Variants in ADAM8 observed in about 807,000 individuals in gnomAD.
ADAM8 encodes ADAM metallopeptidase domain 8, also known as disintegrin and metalloproteinase domain-containing protein 8.
In ADAM8, 104 loss-of-function variants were observed where a neutral mutation model predicts 102.4. That is an observed-to-expected ratio of 1.02 (90% confidence interval 0.87 to 1.20). The LOEUF (loss-of-function observed/expected upper bound fraction) is 1.20, where lower values mean the gene tolerates loss of function less well. Ranked by LOEUF, ADAM8 falls within the 50% of genes most tolerant of loss-of-function variation. The pLI is 0.00. For missense variants in ADAM8, 1,132 were observed against 1,159.0 expected (o/e 0.98, Z 0.34); for synonymous variants, 517 against 485.2 (o/e 1.07, Z -0.86).
At position 133,271,561 on chromosome 10, in the gene ADAM8, C is replaced by A; in HGVS notation, c.1251G>T (p.Glu417Asp). The change falls in exon 12 of 23, where the codon GAG becomes GAT. Residue 417 changes from glutamate to aspartate, a missense_variant. Coordinates refer to ENST00000445355, the MANE Select transcript of ADAM8 (RefSeq NM_001109.5). Reference protein sequence around the residue: ...GGPVCGNLFVERGEQCDCGPP... With the variant: ...GGPVCGNLFVDRGEQCDCGPP... Reference sequence around the variant, plus strand: ...GGCCGCAGTCGCACTGCTCCCCACGCTCCACAAACAGGTTCCCACACACGG... The same window carrying A: ...GGCCGCAGTCGCACTGCTCCCCACGATCCACAAACAGGTTCCCACACACGG... 1.3e-6 allele frequency: 2 copies of A among 1,559,786 alleles called. No individual in the cohort carries two copies. Among genetic ancestry groups the A allele is most frequent in the African/African-American group, 1.3e-5 (1 of 74,228 alleles).
In ADAM8 at chr10:133,269,477, T is replaced by C. The variant is rs1276033505; in HGVS notation, c.1916A>G (p.His639Arg). The change falls in exon 18 of 23, where the codon CAC becomes CGC. Residue 639 changes from histidine (H) to arginine (R), a missense_variant. Physicochemically the swap from His to Arg is conservative, Grantham distance 29. Coordinates refer to ENST00000445355, the MANE Select transcript of ADAM8 (RefSeq NM_001109.5). ...CHCHAGWAPP[H>R]CAKLLTEVHA... Reference sequence around the variant, plus strand: ...CACCTCAGTCAGCAGCTTCGCGCAGTGGGGCGGGGCCCAGCCCGCGTGGCA... The same window carrying C: ...CACCTCAGTCAGCAGCTTCGCGCAGCGGGGCGGGGCCCAGCCCGCGTGGCA... 2 of 1,600,134 alleles carry C rather than the reference T, an allele frequency of 1.2e-6. No homozygotes were observed. Among genetic ancestry groups the C allele is most frequent in the Non-Finnish European group, 1.7e-6 (2 of 1,178,316 alleles).
chr10:133,275,940 CGACCT>C, intron 1 of ADAM8: 2 of 236,970 alleles, frequency 8.4e-6, no homozygotes, highest in Non-Finnish European at 1.6e-5. Context: ...CTCGGGCCGC[CGACCT>C]GCCCGTTTCC....
Position 133,270,816 on chromosome 10 carries a change from A to T in ADAM8, c.1565-11T>A. 6.2e-7 allele frequency: 1 copy of T among 1,608,366 alleles called. No individual in the cohort carries two copies. The highest frequency in any genetic ancestry group is 8.5e-7 in the Non-Finnish European group (1 of 1,176,944). The stretch of plus-strand genomic sequence containing the variant: ...CGGCAGCCTGCCCACCTGTGGGACC[A>T]GAAGCGGGTTAGCCCTGGCAAGGCC... On this transcript the variant is annotated splice_polypyrimidine_tract_variant and intron_variant, in intron 14 of 22. Coordinates refer to ENST00000445355, the MANE Select transcript of ADAM8 (RefSeq NM_001109.5).
At position 133,263,688 on chromosome 10, in the gene ADAM8, CTCAGCTGG is replaced by C. The variant is rs775122739; in HGVS notation, c.2389_2396del (p.Pro797GlyfsTer61). ...TGCCTGGTGTGTGCTGGGGCCTCAC[CTCAGCTGG>C]ACCAGGGTTGGCCGCACCAGCCCCG... On this transcript the variant is annotated frameshift_variant and splice_region_variant, in exon 22 of 23. Transcript: ENST00000445355. LOFTEE classifies it low-confidence loss of function (END_TRUNC). 1.5e-4 allele frequency: 229 copies of C among 1,554,226 alleles called. No homozygotes were observed. Among genetic ancestry groups the C allele is most frequent in the Non-Finnish European group, 1.8e-4 (202 of 1,149,124 alleles).
Position 133,263,675 on chromosome 10 carries a change from G to T in ADAM8, c.2397+13C>A, listed in dbSNP as rs1339145621. On this transcript the variant is annotated intron_variant, in intron 22 of 22. Transcript: ENST00000445355. ...GCACAGTGGACTCTGCCTGGTGTGT[G>T]CTGGGGCCTCACCTCAGCTGGACCA... 2.1e-6 allele frequency: 2 copies of T among 931,292 alleles called. No individual in the cohort carries two copies. 57.7% of individuals were successfully genotyped at this position (931,292 alleles called of 1,614,324 possible). A position where few individuals can be genotyped will look rare whatever the true frequency, so the allele number is the denominator to read the frequency against.
Position 133,262,845 on chromosome 10 carries a change from G to C in ADAM8, c.*311C>G. On this transcript the variant is annotated 3_prime_UTR_variant, in exon 23 of 23. Coordinates refer to ENST00000445355, the MANE Select transcript of ADAM8 (RefSeq NM_001109.5). ...GGAGGGGCTGTATATGTGGCCTCCTGAACACAGCGGGAGACCAGCGGCCAC... is the reference window on the plus strand; with the variant it reads ...GGAGGGGCTGTATATGTGGCCTCCTCAACACAGCGGGAGACCAGCGGCCAC... 1 of 413,766 alleles carries C rather than the reference G, an allele frequency of 2.4e-6. No individual in the cohort carries two copies. The highest frequency in any genetic ancestry group is 4.4e-6 in the Non-Finnish European group (1 of 224,796). The allele number at this position is 413,766 out of a possible 1,614,324, so 25.6% of individuals were successfully genotyped here. A position where few individuals can be genotyped will look rare whatever the true frequency, so the allele number is the denominator to read the frequency against.
chr10:133,267,411 C>T lies in ADAM8; in HGVS notation c.2260G>A (p.Val754Ile), dbSNP rs1392676499. 2 of 1,609,204 alleles carry T rather than the reference C, an allele frequency of 1.2e-6. No homozygotes were observed. Among genetic ancestry groups the T allele is most frequent in the Non-Finnish European group, 1.7e-6 (2 of 1,178,758 alleles). ...ALKRPPPAPP[V>I]TVSSPPFPVP... ...GGGAAGGGTGGGCTGGACACAGTGA[C>T]CGGAGGCTGGAGGAGACAGGGCCGA... The change falls in exon 21 of 23, where the codon GTC becomes ATC. Residue 754 changes from valine to isoleucine, a missense_variant. Physicochemically the swap from Val to Ile is conservative, Grantham distance 29. Transcript: ENST00000445355.
In ADAM8 at chr10:133,275,596, G is replaced by T; in HGVS notation, c.47-9C>A. 1.4e-6 allele frequency: 2 copies of T among 1,459,438 alleles called. No individual in the cohort carries two copies. Among genetic ancestry groups the T allele is most frequent in the Non-Finnish European group, 1.8e-6 (2 of 1,102,588 alleles). 90.4% of individuals were successfully genotyped at this position (1,459,438 alleles called of 1,614,324 possible). A position where few individuals can be genotyped will look rare whatever the true frequency, so the allele number is the denominator to read the frequency against. On this transcript the variant is annotated splice_polypyrimidine_tract_variant and intron_variant, in intron 1 of 22. Coordinates refer to ENST00000445355, the MANE Select transcript of ADAM8 (RefSeq NM_001109.5). ...CCGGCTGGGGGCAATCGCTGCAGGA[G>T]GGAGGGTCAGCAGGCATGAGGGGCC...
At chr10:133,274,497 G>T (rs56362158) in intron 2 of ADAM8, among the ~76,000 whole-genome samples, 1 of 123,464 alleles carries the variant, frequency 8.1e-6, no homozygotes, top group East Asian at 3.0e-4. Flanking sequence ...GGCAGAGGGT[G>T]GGGGGCGGGG....
chr10:133,271,632 C>G lies in ADAM8; in HGVS notation c.1180G>C (p.Val394Leu). The change falls in exon 12 of 23, where the codon GTG becomes CTG. Residue 394 changes from valine to leucine, a missense_variant. Coordinates refer to ENST00000445355, the MANE Select transcript of ADAM8 (RefSeq NM_001109.5). ...AGGTCAGGGGCGTTGGCGAGGCACACCGACTGCGGCCGCTCCAAAAAGCTC... is the reference window on the plus strand; with the variant it reads ...AGGTCAGGGGCGTTGGCGAGGCACAGCGACTGCGGCCGCTCCAAAAAGCTC... The part of the protein sequence containing the change: ...LESFLERPQS[V>L]CLANAPDLSH... The G allele has an allele frequency of 6.4e-7, 1 of 1,554,768 alleles. No individual in the cohort carries two copies. The highest frequency in any genetic ancestry group is 8.7e-7 in the Non-Finnish European group (1 of 1,149,272).
At chr10:133,273,877 C>T (rs1846641924) in intron 4 of ADAM8, 39 bp from the exon 5 acceptor site, 1 of 1,551,596 alleles carries the variant, frequency 6.4e-7, no homozygotes, top group Non-Finnish European at 8.7e-7. Flanking sequence ...AGGCTGTGCC[C>T]CCATGGCCCC....
In ADAM8 at chr10:133,270,522, C is replaced by G; in HGVS notation, c.1635-12G>C. On this transcript the variant is annotated splice_polypyrimidine_tract_variant and intron_variant, in intron 15 of 22. Coordinates refer to ENST00000445355, the MANE Select transcript of ADAM8 (RefSeq NM_001109.5). ...CACACATGTCAGCCCTGTGGATGGA[C>G]GGCAGGTCGTGGGCCAGCTTGCCTG... The G allele has an allele frequency of 6.3e-7, 1 of 1,578,070 alleles. No individual in the cohort carries two copies. Among genetic ancestry groups the G allele is most frequent in the Non-Finnish European group, 8.7e-7 (1 of 1,154,394 alleles).
chr10:133,267,111 GAA>G (rs1846347270), intron 21 of ADAM8, among the ~76,000 whole-genome samples: 1 of 152,156 alleles, frequency 6.6e-6, no homozygotes, highest in Admixed American at 6.5e-5. Context: ...AGTGGAAGGA[GAA>G]GGAGCCAGGA....
chr10:133,263,732 G>C lies in ADAM8; in HGVS notation c.2353C>G (p.Pro785Ala). ...GCCGCACCAGCCCCGGGTTTGACTG[G>C]GGGCACTGGGGGTGCGAACGTTGGC... ...IKPTFAPPVPPVKPGAGAANP... is the reference protein window; with the variant it reads ...IKPTFAPPVPAVKPGAGAANP... The change falls in exon 22 of 23, where the codon CCA becomes GCA. Residue 785 changes from proline to alanine, a missense_variant. Transcript: ENST00000445355. 6.5e-7 allele frequency: 1 copy of C among 1,547,984 alleles called. No homozygotes were observed. Among genetic ancestry groups the C allele is most frequent in the Middle Eastern group, 1.7e-4 (1 of 5,872 alleles).
At chr10:133,273,860 G>C in intron 4 of ADAM8, 22 bp from the exon 5 acceptor site, 1 of 1,549,468 alleles carries the variant, frequency 6.5e-7, no homozygotes, top group Non-Finnish European at 8.7e-7. Context: ...GCAGGAGAGG[G>C]GTCCACAGGC....
At chr10:133,265,619 G>A (rs148899829) in intron 21 of ADAM8, among the ~76,000 whole-genome samples, 34 of 151,786 alleles carry the variant, frequency 2.2e-4, no homozygotes, top group African/African-American at 8.0e-4. Flanking sequence ...GTGAAACCCC[G>A]TCTCTACTGA....
At chr10:133,265,889 G>A (rs1404919640) in intron 21 of ADAM8, among the ~76,000 whole-genome samples, 2 of 152,204 alleles carry the variant, frequency 1.3e-5, no homozygotes, top group Admixed American at 6.5e-5. Flanking sequence ...AAACTAGTGG[G>A]TCCAAGCTTA....
intron 2 of ADAM8, chr10:133,274,846 A>T: frequency 2.3e-6 from 1 of 434,568 alleles, no homozygotes; most frequent in Non-Finnish European, 4.6e-6. Flanking sequence ...TCCAGCCCCC[A>T]TGTGCAGGCT....
At position 133,269,987 on chromosome 10, in the gene ADAM8, G is replaced by A; in HGVS notation, c.1786-13C>T. ...CTTTCCAGCAAACCTGGGGGTAGGAGGCGTCTCTCAGGCAGCCGCTCTGGA... is the reference window on the plus strand; with the variant it reads ...CTTTCCAGCAAACCTGGGGGTAGGAAGCGTCTCTCAGGCAGCCGCTCTGGA... On this transcript the variant is annotated splice_polypyrimidine_tract_variant and intron_variant, in intron 16 of 22. Transcript: ENST00000445355. 1 of 1,612,420 alleles carries A rather than the reference G, an allele frequency of 6.2e-7. No homozygotes were observed. Among genetic ancestry groups the A allele is most frequent in the Non-Finnish European group, 8.5e-7 (1 of 1,179,860 alleles).
Sources: gnomAD v4.1 joint callset for allele counts (sites outside exome capture counted in the v4.1 genomes callset) on GRCh38, gnomAD v4.1.1 for gene constraint, MANE v1.5 for transcripts, NCBI Gene and HGNC (gene_info 2026-07-23, HGNC 2026-07-21) for gene names.